DNAH6: variants seen among roughly 807,000 people sequenced by gnomAD.
The protein encoded by DNAH6 is axonemal beta dynein heavy chain 6.
A neutral mutation model predicts 491.4 loss-of-function variants in DNAH6; 340 were observed. The ratio of observed to expected loss-of-function variants is 0.69; its 90% CI spans 0.63 to 0.76. The LOEUF (loss-of-function observed/expected upper bound fraction) is 0.76. DNAH6 is among the 30% of genes least tolerant of loss of function. The probability of loss-of-function intolerance (pLI) is 0.00; values close to 1 mark genes in which losing one functional copy is unlikely to be tolerated. For synonymous variants in DNAH6, 1,603 were observed against 1,686.1 expected (o/e 0.95, Z 1.21); for missense variants, 4,443 against 4,972.2 (o/e 0.89, Z 3.20).
chr2:84,572,638 A>G (rs1033052158), intron 11 of DNAH6, among the ~76,000 whole-genome samples: 1 of 152,222 alleles, frequency 6.6e-6, no homozygotes. Flanking sequence ...TAAATTTTCT[A>G]CTACCACAAG....
intron 62 of DNAH6, among the ~76,000 whole-genome samples, chr2:84,736,361 T>C (rs1425494993): frequency 6.6e-6 from 1 of 152,118 alleles, no homozygotes; most frequent in Non-Finnish European, 1.5e-5. Context: ...TTTAGAATAG[T>C]TTTTTCTAAT....
At chr2:84,665,780 T>A (rs1692059873) in intron 37 of DNAH6, among the ~76,000 whole-genome samples, 1 of 152,142 alleles carries the variant, frequency 6.6e-6, no homozygotes, top group African/African-American at 2.4e-5. Context: ...CACCAAAGCC[T>A]GGCAGAGACA....
At chr2:84,672,168 G>A (rs777824636) in intron 39 of DNAH6, among the ~76,000 whole-genome samples, 159 bp from the exon 40 acceptor site, 3 of 152,180 alleles carry the variant, frequency 2.0e-5, no homozygotes, top group Non-Finnish European at 2.9e-5. Flanking sequence ...GGGCCTGGGT[G>A]GGGCCAGAAG....
chr2:84,547,557 T>C lies in DNAH6; in HGVS notation c.1131T>C (p.Phe377=). The change falls in exon 7 of 77, where the codon TTT becomes TTC. Residue 377 remains phenylalanine (F), a synonymous_variant. Coordinates refer to ENST00000389394, the MANE Select transcript of DNAH6 (RefSeq NM_001370.2). ...AKYVVRRACR[F]ALRAAGFVPD... is the part of the protein sequence containing the mutation. Reference sequence around the variant, plus strand: ...ATGTAGTCAGGAGGGCTTGTCGATTTGCTTTGCGTGCTGCAGGATTTGTTC... The same window carrying C: ...ATGTAGTCAGGAGGGCTTGTCGATTCGCTTTGCGTGCTGCAGGATTTGTTC... The C allele has an allele frequency of 6.4e-7, 1 of 1,551,878 alleles. No homozygotes were observed. Among genetic ancestry groups the C allele is most frequent in the Non-Finnish European group, 8.7e-7 (1 of 1,146,998 alleles).
intron 63 of DNAH6, among the ~76,000 whole-genome samples, chr2:84,757,744 T>TA (rs1674184437): frequency 6.6e-6 from 1 of 152,242 alleles, no homozygotes; most frequent in Non-Finnish European, 1.5e-5. Context: ...GATTGTGAGA[T>TA]ACAACCCTTG....
chr2:84,653,281 C>A, intron 33 of DNAH6, 38 bp from the exon 34 acceptor site: 4 of 1,398,512 alleles, frequency 2.9e-6, no homozygotes, highest in South Asian at 3.0e-5. Flanking sequence ...ATATCAATGA[C>A]CAGTTGTTCC....
chr2:84,663,382 C>T (rs1691736777), intron 37 of DNAH6, among the ~76,000 whole-genome samples: 1 of 152,114 alleles, frequency 6.6e-6, no homozygotes, highest in Non-Finnish European at 1.5e-5. Context: ...CTAGAATAAA[C>T]AGCATGAAGA....
chr2:84,637,298 G>GA lies in DNAH6; in HGVS notation c.4744dup (p.Thr1582AsnfsTer2). ...ACAATGAATCCTGGCTATGCAGGGA[G>GA]AACTGAATTGCCAGATAATTTGAAA... On this transcript the variant is annotated frameshift_variant, in exon 31 of 77. Coordinates refer to ENST00000389394, the MANE Select transcript of DNAH6 (RefSeq NM_001370.2). LOFTEE classifies it high-confidence loss of function. 6.4e-7 allele frequency: 1 copy of GA among 1,551,306 alleles called. No individual in the cohort carries two copies. Among genetic ancestry groups the GA allele is most frequent in the African/African-American group, 1.4e-5 (1 of 73,156 alleles).
rs375799980 is a variant in DNAH6, at chr2:84,553,791, C to A, written c.1602+757C>A. 6.5e-4 allele frequency among the ~76,000 whole-genome samples: 99 copies of A among 151,926 alleles called. 1 individual carries two copies. Among genetic ancestry groups the A allele is most frequent in the African/African-American group, 2.2e-3 (93 of 41,430 alleles). On this transcript the variant is annotated intron_variant, in intron 10 of 76. Coordinates refer to ENST00000389394, the MANE Select transcript of DNAH6 (RefSeq NM_001370.2). ...AGCCTGTAAATACCATTTGTGAAAT[C>A]TTTTTAAAGGTATGCTGGAACTGAG... is the stretch of plus-strand genomic sequence containing the variant.
intron 41 of DNAH6, among the ~76,000 whole-genome samples, chr2:84,678,798 CTAGCTA>C (rs1693500891): frequency 6.6e-6 from 1 of 152,180 alleles, no homozygotes; most frequent in African/African-American, 2.4e-5. Flanking sequence ...AAAACCCACA[CTAGCTA>C]TAAGGGGAAA....
chr2:84,568,157 CA>C (rs1681407916), intron 11 of DNAH6, among the ~76,000 whole-genome samples: 1 of 152,120 alleles, frequency 6.6e-6, no homozygotes, highest in South Asian at 2.1e-4. Context: ...TTGTGGAAGA[CA>C]GTGTGGTGAT....
intron 44 of DNAH6, 27 bp from the exon 45 acceptor site, chr2:84,688,412 A>G (rs1694503829): frequency 5.4e-6 from 8 of 1,469,804 alleles, no homozygotes; most frequent in African/African-American, 1.5e-5. Flanking sequence ...AATTGATCCA[A>G]CTTGGTTCTT....
intron 64 of DNAH6, among the ~76,000 whole-genome samples, chr2:84,763,714 ATGTGTGTGTGTGTG>A (rs70953906): frequency 0.11 from 14,249 of 126,874 alleles, 721 homozygotes; most frequent in Middle Eastern, 0.12. Flanking sequence ...AACTGATAGG[ATGTGTGTGTGTGTG>A]TGTGTGTGTG....
At chr2:84,713,708 G>A (rs893959087) in intron 57 of DNAH6, among the ~76,000 whole-genome samples, 1 of 152,196 alleles carries the variant, frequency 6.6e-6, no homozygotes, top group African/African-American at 2.4e-5. Flanking sequence ...GGGTTGGGGG[G>A]AGGAGGAGAT....
intron 64 of DNAH6, chr2:84,777,702 A>C (rs1300778428): frequency 1.8e-5 from 15 of 819,136 alleles, no homozygotes; most frequent in Non-Finnish European, 3.3e-5. Context: ...TGACAGCTTA[A>C]TGGGTGAACT....
chr2:84,733,058 C>A (rs1392272131), intron 61 of DNAH6, among the ~76,000 whole-genome samples: 1 of 152,200 alleles, frequency 6.6e-6, no homozygotes, highest in Non-Finnish European at 1.5e-5. Context: ...ACTCAGCTTT[C>A]TGTATCTTCT....
At position 84,692,417 on chromosome 2, in the gene DNAH6, GTAGATAGATAGATAGATAGATAGA is replaced by G. The variant is rs3029918; in HGVS notation, c.7293-1789_7293-1766del. On this transcript the variant is annotated intron_variant, in intron 45 of 76. Transcript: ENST00000389394. ...TTCAATTATCAACAATATAAATAAG[GTAGATAGATAGATAGATAGATAGA>G]TAGATAGATAGATAGATAGATAGAT... Among the ~76,000 whole-genome samples the G allele has an allele frequency of 4.4e-3, 642 of 144,966 alleles. 7 individuals carry two copies. Among genetic ancestry groups the G allele is most frequent in the African/African-American group, 6.9e-3 (269 of 39,004 alleles).
chr2:84,472,410 G>A, the DNAH6 span, among the ~76,000 whole-genome samples: 2 of 151,966 alleles, frequency 1.3e-5, no homozygotes, highest in South Asian at 2.1e-4. Context: ...GATAAAAGAT[G>A]TCTTTTAACA....
At chr2:84,649,510 T>A (rs1262534912) in intron 33 of DNAH6, among the ~76,000 whole-genome samples, 6 of 152,180 alleles carry the variant, frequency 3.9e-5, no homozygotes, top group Non-Finnish European at 2.9e-5. Flanking sequence ...TGAGAATGTC[T>A]TGATTTCCCT....
Sources: gnomAD v4.1 joint callset for allele counts (sites outside exome capture counted in the v4.1 genomes callset) on GRCh38, gnomAD v4.1.1 for gene constraint, MANE v1.5 for transcripts, NCBI Gene and HGNC (gene_info 2026-07-23, HGNC 2026-07-21) for gene names.